Variants in MAGEA4 observed in about 807,000 individuals in gnomAD.
The protein encoded by MAGEA4 is melanoma-associated antigen 4.
A neutral mutation model predicts 13.7 loss-of-function variants in MAGEA4; 1 was observed. The observed-to-expected ratio is 0.07, with a 90% CI of 0.03 to 0.35. The LOEUF (loss-of-function observed/expected upper bound fraction) is 0.35. Among genes scored for constraint, MAGEA4 ranks in the 10% least tolerant of loss-of-function variants. The probability of loss-of-function intolerance (pLI) is 0.99; values close to 1 mark genes in which losing one functional copy is unlikely to be tolerated. For synonymous variants in MAGEA4, 132 were observed against 101.1 expected (o/e 1.31, Z -1.83); for missense variants, 312 against 245.1 (o/e 1.27, Z -1.82).
Position 151,924,764 on chromosome X carries a change from G to T in MAGEA4, c.*146G>T. On this transcript the variant is annotated 3_prime_UTR_variant, in exon 3 of 3. Transcript: ENST00000276344. ...GAAAATAGTCAGTGTTCTTAGTAGT[G>T]GGTTTCTATTTTGTTGGATGACTTG... 1 of 573,615 alleles carries T rather than the reference G, an allele frequency of 1.7e-6. No homozygotes were observed. Among genetic ancestry groups the T allele is most frequent in the Non-Finnish European group, 2.6e-6 (1 of 388,716 alleles). The allele number at this position is 573,615 out of a possible 1,213,427, so 47.3% of individuals were successfully genotyped here.
rs1933598615 is a variant in MAGEA4 at position 151,924,245 on chromosome X, A to G, written c.581A>G (p.Asn194Ser). ...TCCTATGATGGCCTGCTGGGTAATA[A>G]TCAGATCTTTCCCAAGACAGGCCTT... ...GLSYDGLLGN[N>S]QIFPKTGLLI... The change falls in exon 3 of 3, where the codon AAT becomes AGT. Residue 194 changes from asparagine (N) to serine (S), a missense_variant. Physicochemically the swap from Asn to Ser is conservative, Grantham distance 46. Transcript: ENST00000276344. 5.8e-6 allele frequency: 7 copies of G among 1,208,644 alleles called. No individual in the cohort carries two copies. In the Admixed American group the frequency reaches 1.5e-4, roughly 26 times the overall value.
intron 1 of MAGEA4, among the ~76,000 whole-genome samples, chrX:151,918,016 ACTC>A (rs1412188649): frequency 4.7e-5 from 2 of 42,168 alleles, no homozygotes; most frequent in African/African-American, 9.7e-5. Context: ...CCCCACCAGC[ACTC>A]CTCCTCGACC....
At position 151,924,733 on chromosome X, in the gene MAGEA4, T is replaced by A; in HGVS notation, c.*115T>A. The A allele has an allele frequency of 3.8e-6, 3 of 795,091 alleles. No individual in the cohort carries two copies. Among genetic ancestry groups the A allele is most frequent in the Non-Finnish European group, 5.2e-6 (3 of 574,077 alleles). The allele number at this position is 795,091 out of a possible 1,213,427, so 65.5% of individuals were successfully genotyped here. On this transcript the variant is annotated 3_prime_UTR_variant, in exon 3 of 3. Transcript: ENST00000276344. ...AACATGAGGCCCATTCTTCACTCTG[T>A]TTGAAGAAAATAGTCAGTGTTCTTA...
chrX:151,918,119 G>A (rs1260990075), intron 1 of MAGEA4: 1 of 35,147 alleles, frequency 2.8e-5, no homozygotes, highest in Non-Finnish European at 5.2e-5. Flanking sequence ...ACGCTGAATC[G>A]GGTTCCGCTT....
chrX:151,921,623 C>G (rs1021356960), intron 1 of MAGEA4, among the ~76,000 whole-genome samples: 8 of 112,212 alleles, frequency 7.1e-5, no homozygotes, highest in Non-Finnish European at 9.4e-5. Flanking sequence ...CCAACATGCC[C>G]AGCCCCATCC....
At chrX:151,921,327 A>G (rs1395277903) in intron 1 of MAGEA4, among the ~76,000 whole-genome samples, 1 of 112,201 alleles carries the variant, frequency 8.9e-6, no homozygotes, top group Non-Finnish European at 1.9e-5. Context: ...GAGCGGGCCC[A>G]AGCTCTGTGG....
chrX:151,919,106 C>T, intron 1 of MAGEA4: 3 of 736,047 alleles, frequency 4.1e-6, no homozygotes, highest in Non-Finnish European at 4.8e-6. Flanking sequence ...TCCCGCACCA[C>T]TCCTGCTACC....
At chrX:151,918,040 G>C (rs1338975193) in intron 1 of MAGEA4, among the ~76,000 whole-genome samples, 10 of 53,406 alleles carry the variant, frequency 1.9e-4, no homozygotes, top group East Asian at 6.2e-4. Flanking sequence ...CCCCACCTCT[G>C]TCATACCGCC....
At chrX:151,913,777 A>G in intron 1 of MAGEA4, 1 of 210,875 alleles carries the variant, frequency 4.7e-6, no homozygotes, top group Non-Finnish European at 7.0e-6. Context: ...TTAGTGTAAG[A>G]CTAGTGAGGG....
In MAGEA4 at chrX:151,924,431, A is replaced by T. The variant is rs1569449720; in HGVS notation, c.767A>T (p.Tyr256Phe). Residue 256 changes from tyrosine (Y) to phenylalanine (F), a missense_variant, in exon 3 of 3, where the codon TAC becomes TTC. By Grantham distance (22) the Tyr-to-Phe change is conservative. Transcript: ENST00000276344. ...ACCCAAGATTGGGTGCAGGAAAACT[A>T]CCTGGAGTACCGGCAGGTACCCGGC... Reference protein sequence around the residue: ...LLTQDWVQENYLEYRQVPGSN... With the variant: ...LLTQDWVQENFLEYRQVPGSN... The T allele has an allele frequency of 8.3e-7, 1 of 1,211,234 alleles. No homozygotes were observed. The highest frequency in any genetic ancestry group is 2.2e-5 in the Admixed American group (1 of 46,056).
chrX:151,919,403 T>A (rs1286888644), intron 1 of MAGEA4, among the ~76,000 whole-genome samples: 1 of 87,371 alleles, frequency 1.1e-5, no homozygotes, highest in Non-Finnish European at 2.2e-5. Flanking sequence ...CCCGCACCTC[T>A]CTCACACCAC....
At chrX:151,918,950 A>G (rs1933244006) in intron 1 of MAGEA4, 1 of 747,072 alleles carries the variant, frequency 1.3e-6, no homozygotes, top group Non-Finnish European at 1.6e-6. Context: ...TGACTTGCGC[A>G]TTCGGGGTTA....
chrX:151,921,202 C>T (rs1047434616), intron 1 of MAGEA4, among the ~76,000 whole-genome samples: 1 of 112,580 alleles, frequency 8.9e-6, no homozygotes, highest in African/African-American at 3.2e-5. Context: ...AGGCAGAATC[C>T]AGTTCCCCTT....
At position 151,923,943 on chromosome X, in the gene MAGEA4, G is replaced by T. The variant is rs766690180; in HGVS notation, c.279G>T (p.Glu93Asp). The T allele has an allele frequency of 8.3e-7, 1 of 1,211,629 alleles. No homozygotes were observed. The highest frequency in any genetic ancestry group is 3.0e-5 in the East Asian group (1 of 33,830). Residue 93 changes from glutamate to aspartate, a missense_variant, in exon 3 of 3, where the codon GAG becomes GAT. Physicochemically the swap from Glu to Asp is conservative, Grantham distance 45. Coordinates refer to ENST00000276344, the MANE Select transcript of MAGEA4 (RefSeq NM_001011548.1). ...QPNEGSSSQE[E>D]EGPSTSPDAE... is the part of the protein sequence containing the mutation. Reference sequence around the variant, plus strand: ...ATGAGGGTTCCAGCAGCCAAGAAGAGGAGGGGCCAAGCACCTCGCCTGACG... The same window carrying T: ...ATGAGGGTTCCAGCAGCCAAGAAGATGAGGGGCCAAGCACCTCGCCTGACG...
rs767830189 is a variant in MAGEA4, at chrX:151,920,509, C to T, written c.-137-2944C>T. 1.4e-3 allele frequency among the ~76,000 whole-genome samples: 152 copies of T among 109,397 alleles called. 1 individual carries two copies. The highest frequency in any genetic ancestry group is 4.7e-3 in the African/African-American group (141 of 29,881). The allele number at this position is 109,397 out of a possible 115,157, so 95.0% of individuals were successfully genotyped here. ...GGGGGTAGGCTCTGCCAGGCATCAACGTCAGGACCCTAGGAGAGGGCTGAG... is the reference window on the plus strand; with the variant it reads ...GGGGGTAGGCTCTGCCAGGCATCAATGTCAGGACCCTAGGAGAGGGCTGAG... On this transcript the variant is annotated intron_variant, in intron 1 of 2. Coordinates refer to ENST00000276344, the MANE Select transcript of MAGEA4 (RefSeq NM_001011548.1).
intron 1 of MAGEA4, among the ~76,000 whole-genome samples, chrX:151,922,162 G>C (rs1203584177): frequency 9.0e-6 from 1 of 111,297 alleles, no homozygotes; most frequent in Non-Finnish European, 1.9e-5. Context: ...AGGACCCAAG[G>C]TGTGCCACAC....
At chrX:151,913,423 C>T in intron 1 of MAGEA4, 2 of 592,215 alleles carry the variant, frequency 3.4e-6, no homozygotes, top group Non-Finnish European at 4.0e-6. Flanking sequence ...CCCCCATCCA[C>T]GCTGAATCGG....
In MAGEA4 at chrX:151,924,241, A is replaced by G; in HGVS notation, c.577A>G (p.Asn193Asp). ...LGLSYDGLLG[N>D]NQIFPKTGLL... is the part of the protein sequence containing the mutation. ...CCTTTCCTATGATGGCCTGCTGGGT[A>G]ATAATCAGATCTTTCCCAAGACAGG... Residue 193 changes from asparagine to aspartate, a missense_variant, in exon 3 of 3, where the codon AAT becomes GAT. By Grantham distance (23) the Asn-to-Asp change is conservative. Transcript: ENST00000276344. The G allele has an allele frequency of 2.5e-6, 3 of 1,210,275 alleles. No individual in the cohort carries two copies. The highest frequency in any genetic ancestry group is 3.5e-5 in the South Asian group (2 of 56,629).
intron 1 of MAGEA4, among the ~76,000 whole-genome samples, chrX:151,922,763 A>G (rs781703147): frequency 1.6e-3 from 181 of 111,188 alleles, no homozygotes; most frequent in African/African-American, 5.6e-3. Flanking sequence ...TCCCTCTCTT[A>G]TCCTGGGATC....
Sources: gnomAD v4.1 joint callset for allele counts (sites outside exome capture counted in the v4.1 genomes callset) on GRCh38, gnomAD v4.1.1 for gene constraint, MANE v1.5 for transcripts, NCBI Gene and HGNC (gene_info 2026-07-23, HGNC 2026-07-21) for gene names.